MFHAS1: variants seen among roughly 807,000 people sequenced by gnomAD.
The protein encoded by MFHAS1 is multifunctional ROCO family signaling regulator 1, also known as malignant fibrous histiocytoma-amplified sequence 1.
In MFHAS1, 50 loss-of-function variants were observed where a neutral mutation model predicts 70.4. The ratio of observed to expected loss-of-function variants is 0.71; its 90% CI spans 0.57 to 0.90. The LOEUF (loss-of-function observed/expected upper bound fraction) is 0.90, where lower values mean the gene tolerates loss of function less well. MFHAS1 is among the 40% of genes least tolerant of loss of function. MFHAS1 has a pLI of 0.00. For synonymous variants in MFHAS1, 952 were observed against 620.0 expected, an observed-to-expected ratio of 1.54 and a Z score of -7.96; for missense variants, 1,795 against 1,347.6, an observed-to-expected ratio of 1.33 and a Z score of -5.20.
intron 1 of MFHAS1, among the ~76,000 whole-genome samples, chr8:8,874,796 T>C (rs921174161): frequency 5.3e-5 from 8 of 151,670 alleles, no homozygotes; most frequent in Non-Finnish European, 1.0e-4. Context: ...CGTTAAAGGT[T>C]TTTAAAGCAA....
chr8:8,884,644 C>T (rs557480047), intron 1 of MFHAS1, among the ~76,000 whole-genome samples: 66 of 152,088 alleles, frequency 4.3e-4, no homozygotes, highest in Non-Finnish European at 8.2e-4. Context: ...GGGATTTTCA[C>T]TGAGTGTGTG....
chr8:8,845,339 T>C (rs1807992740), intron 1 of MFHAS1, among the ~76,000 whole-genome samples: 1 of 152,252 alleles, frequency 6.6e-6, no homozygotes, highest in African/African-American at 2.4e-5. Flanking sequence ...TTACAATTGA[T>C]GTATCTGTGA....
At chr8:8,889,506 G>C (rs1002752089) in intron 1 of MFHAS1, among the ~76,000 whole-genome samples, 4 of 152,202 alleles carry the variant, frequency 2.6e-5, no homozygotes, top group Non-Finnish European at 5.9e-5. Flanking sequence ...AAATGCTTGA[G>C]GGGATGGATA....
chr8:8,817,806 T>G (rs180942027), intron 1 of MFHAS1, among the ~76,000 whole-genome samples: 2 of 152,160 alleles, frequency 1.3e-5, no homozygotes, highest in Non-Finnish European at 2.9e-5. Flanking sequence ...GAATTCACAA[T>G]AGAGTTCAAG....
intron 1 of MFHAS1, among the ~76,000 whole-genome samples, chr8:8,815,266 T>A (rs940469366): frequency 6.6e-6 from 1 of 152,208 alleles, no homozygotes; most frequent in East Asian, 1.9e-4. Context: ...CAGTCTATCA[T>A]TGATGGGCAT....
chr8:8,890,037 G>A (rs781646190), intron 1 of MFHAS1, 24 bp downstream of exon 1: 3 of 1,540,152 alleles, frequency 1.9e-6, no homozygotes, highest in East Asian at 4.5e-5. Flanking sequence ...TACCACAGAA[G>A]AACTTCTCCC....
rs944496050 is a variant in MFHAS1 at position 8,785,304 on chromosome 8, C to T, written c.*718G>A. 1 of 152,040 alleles carries T rather than the reference C, an allele frequency of 6.6e-6. No homozygotes were observed. The highest frequency in any genetic ancestry group is 1.5e-5 in the Non-Finnish European group (1 of 68,010). The allele number at this position is 152,040 out of a possible 1,614,324, so 9.4% of individuals were successfully genotyped here. On this transcript the variant is annotated 3_prime_UTR_variant, in exon 3 of 3. Coordinates refer to ENST00000276282, the MANE Select transcript of MFHAS1 (RefSeq NM_004225.3). ...TTCATTGAAAAGAAGGGAAGGGACA[C>T]TGTCTTAAATGCACATTTAAGGTTC...
At chr8:8,848,705 T>C (rs1419352384) in intron 1 of MFHAS1, among the ~76,000 whole-genome samples, 1 of 152,230 alleles carries the variant, frequency 6.6e-6, no homozygotes, top group African/African-American at 2.4e-5. Context: ...ACAAAGATTT[T>C]GGTCCTTACA....
At chr8:8,845,027 G>A (rs1198607218) in intron 1 of MFHAS1, among the ~76,000 whole-genome samples, 1 of 152,198 alleles carries the variant, frequency 6.6e-6, no homozygotes, top group African/African-American at 2.4e-5. Flanking sequence ...GGAAAACTAA[G>A]AAGACCTATA....
At chr8:8,789,149 C>A (rs2117243025) in intron 2 of MFHAS1, among the ~76,000 whole-genome samples, 1 of 152,090 alleles carries the variant, frequency 6.6e-6, no homozygotes, top group South Asian at 2.1e-4. Flanking sequence ...GGGGGTTGGG[C>A]CCTAGAGGGA....
At chr8:8,848,675 G>C (rs1450220733) in intron 1 of MFHAS1, among the ~76,000 whole-genome samples, 4 of 152,148 alleles carry the variant, frequency 2.6e-5, no homozygotes, top group African/African-American at 9.7e-5. Context: ...ACCATAAATT[G>C]AGTACTCAAT....
intron 1 of MFHAS1, among the ~76,000 whole-genome samples, chr8:8,826,433 A>T (rs1373489074): frequency 6.6e-6 from 1 of 152,172 alleles, no homozygotes; most frequent in Non-Finnish European, 1.5e-5. Context: ...CTAGCCAATG[A>T]AATGTAAGCA....
In MFHAS1 at chr8:8,891,835, G is replaced by C; in HGVS notation, c.1224C>G (p.Pro408=). The C allele has an allele frequency of 6.2e-7, 1 of 1,613,022 alleles. No individual in the cohort carries two copies. Among genetic ancestry groups the C allele is most frequent in the South Asian group, 1.1e-5 (1 of 91,082 alleles). ...ELAHSQPAVQ[P]RLKLLLMGHK... is the part of the protein sequence containing the mutation. ...GCCCCATCAGGAGCAGCTTGAGCCG[G>C]GGCTGCACCGCCGGCTGGGAATGAG... Residue 408 remains proline (P), a synonymous_variant, in exon 1 of 3, where the codon CCC becomes CCG. Coordinates refer to ENST00000276282, the MANE Select transcript of MFHAS1 (RefSeq NM_004225.3). The surrounding 1 kb of genome is among the most constrained non-coding windows in gnomAD (Gnocchi z 5.4).
intron 1 of MFHAS1, among the ~76,000 whole-genome samples, chr8:8,835,797 T>C (rs1807573999): frequency 6.6e-6 from 1 of 152,254 alleles, no homozygotes; most frequent in Non-Finnish European, 1.5e-5. Flanking sequence ...ATTAAACTTT[T>C]CATGGCCTCT....
At chr8:8,824,009 TTAAA>T (rs1021254968) in intron 1 of MFHAS1, among the ~76,000 whole-genome samples, 3 of 148,840 alleles carry the variant, frequency 2.0e-5, no homozygotes, top group Non-Finnish European at 3.0e-5. Flanking sequence ...AATTTTGTGC[TTAAA>T]TAAACATGCT....
chr8:8,840,573 A>G (rs866763511), intron 1 of MFHAS1, among the ~76,000 whole-genome samples: 6 of 152,266 alleles, frequency 3.9e-5, no homozygotes, highest in Middle Eastern at 3.4e-3. Context: ...CCGACCCGGT[A>G]ATGACATACC....
chr8:8,804,629 G>A (rs1806225208), intron 1 of MFHAS1, among the ~76,000 whole-genome samples: 1 of 152,210 alleles, frequency 6.6e-6, no homozygotes, highest in African/African-American at 2.4e-5. Context: ...CAAACTCAGT[G>A]TCAGCACTTG....
rs996991488 is a variant in MFHAS1 at position 8,783,843 on chromosome 8, T to C, written c.*2179A>G. 1.3e-5 allele frequency: 2 copies of C among 152,148 alleles called. No homozygotes were observed. Among genetic ancestry groups the C allele is most frequent in the Non-Finnish European group, 2.9e-5 (2 of 68,032 alleles). 9.4% of individuals were successfully genotyped at this position (152,148 alleles called of 1,614,324 possible). A position where few individuals can be genotyped will look rare whatever the true frequency, so the allele number is the denominator to read the frequency against. ...CCTGTAGAGCAGAGTGATTTTTGTA[T>C]CTCCAACCCTCCTCCCAACTTGAAA... On this transcript the variant is annotated 3_prime_UTR_variant, in exon 3 of 3. Coordinates refer to ENST00000276282, the MANE Select transcript of MFHAS1 (RefSeq NM_004225.3).
At chr8:8,857,786 G>A (rs1471120500) in intron 1 of MFHAS1, among the ~76,000 whole-genome samples, 1 of 151,800 alleles carries the variant, frequency 6.6e-6, no homozygotes, top group Non-Finnish European at 1.5e-5. Context: ...AAAATCTTTT[G>A]TTTGTAAACT....
Sources: allele counts gnomAD v4.1 joint callset (sites outside exome capture counted in the v4.1 genomes callset), GRCh38; gene constraint gnomAD v4.1.1; non-coding constraint Gnocchi (gnomAD v3.1); transcripts MANE v1.5; gene names NCBI Gene and HGNC (gene_info 2026-07-23, HGNC 2026-07-21).